The following LOC400499 variants were observed in gnomAD, a reference collection of about 807,000 sequenced individuals.
the LOC400499 span, among the ~76,000 whole-genome samples, chr16:11,478,365 C>T: frequency 2.0e-5 from 3 of 152,100 alleles, no homozygotes; most frequent in Non-Finnish European, 4.4e-5. Context: ...TCCCATTTCA[C>T]AGATGCAGAA....
At chr16:11,502,954 C>T in the LOC400499 span, among the ~76,000 whole-genome samples, 2 of 125,968 alleles carry the variant, frequency 1.6e-5, no homozygotes, top group Non-Finnish European at 1.6e-5. Context: ...CAGGATCTCC[C>T]TCTGTCTCCC....
At chr16:11,492,132 C>T in the LOC400499 span, among the ~76,000 whole-genome samples, 2 of 152,212 alleles carry the variant, frequency 1.3e-5, no homozygotes, top group African/African-American at 4.8e-5. Context: ...TTTACGAAAA[C>T]AGCATAGTGT....
chr16:11,475,425 C>T, the LOC400499 span, among the ~76,000 whole-genome samples: 2 of 152,160 alleles, frequency 1.3e-5, no homozygotes, highest in Non-Finnish European at 2.9e-5. Context: ...GATTTGTGTT[C>T]CTTTATTTCC....
At chr16:11,477,755 T>A in the LOC400499 span, 5 of 397,798 alleles carry the variant, frequency 1.3e-5, no homozygotes, top group Non-Finnish European at 1.8e-5. Flanking sequence ...CACCCAGGCC[T>A]CTGCAGCCCT....
the LOC400499 span, among the ~76,000 whole-genome samples, chr16:11,376,264 C>A: frequency 6.6e-6 from 1 of 152,108 alleles, no homozygotes; most frequent in Non-Finnish European, 1.5e-5. Flanking sequence ...TCTAAGAAAT[C>A]ATTGACAAAG....
the LOC400499 span, among the ~76,000 whole-genome samples, chr16:11,378,880 C>CTGTG: frequency 1.3e-5 from 2 of 152,200 alleles, no homozygotes; most frequent in Non-Finnish European, 2.9e-5. Flanking sequence ...GTGAAGTTGT[C>CTGTG]TGTGTGGTAG....
the LOC400499 span, chr16:11,390,073 G>A: frequency 1.3e-5 from 16 of 1,214,568 alleles, no homozygotes; most frequent in Admixed American, 8.4e-5. Flanking sequence ...TGGCAGGCAC[G>A]CAGGATGCGC....
At chr16:11,469,764 A>C in the LOC400499 span, 19 of 396,760 alleles carry the variant, frequency 4.8e-5, no homozygotes, top group Middle Eastern at 6.4e-4. Flanking sequence ...GGAATTTCTC[A>C]GGCTTGAAAA....
At chr16:11,462,713 G>A in the LOC400499 span, among the ~76,000 whole-genome samples, 2 of 152,004 alleles carry the variant, frequency 1.3e-5, no homozygotes, top group East Asian at 1.9e-4. Context: ...ATGAACTACT[G>A]TGCCCAGCCC....
At chr16:11,425,701 G>A in the LOC400499 span, among the ~76,000 whole-genome samples, 2 of 152,120 alleles carry the variant, frequency 1.3e-5, no homozygotes, top group South Asian at 2.1e-4. Context: ...CGTTTATATA[G>A]CTGTATACGT....
At chr16:11,406,234 A>T in the LOC400499 span, among the ~76,000 whole-genome samples, 4 of 152,074 alleles carry the variant, frequency 2.6e-5, no homozygotes, top group African/African-American at 9.7e-5. Context: ...TGTGTATTCA[A>T]TGTTTAGCTC....
chr16:11,458,528 G>A, the LOC400499 span, among the ~76,000 whole-genome samples: 6 of 151,440 alleles, frequency 4.0e-5, no homozygotes, highest in African/African-American at 1.5e-4. Context: ...AAAGACAAAC[G>A]GTATGATTCC....
the LOC400499 span, among the ~76,000 whole-genome samples, chr16:11,376,664 G>A: frequency 3.3e-5 from 5 of 152,096 alleles, no homozygotes; most frequent in Non-Finnish European, 7.4e-5. Context: ...GATTGTTTTG[G>A]CCATTTGGAG....
the LOC400499 span, among the ~76,000 whole-genome samples, chr16:11,455,124 A>G: frequency 1.3e-5 from 2 of 152,220 alleles, no homozygotes; most frequent in Non-Finnish European, 2.9e-5. Context: ...GCAATTACAA[A>G]ACTCCAGAAA....
chr16:11,397,437 C>T, the LOC400499 span, among the ~76,000 whole-genome samples: 2 of 152,074 alleles, frequency 1.3e-5, no homozygotes, highest in Non-Finnish European at 2.9e-5. Context: ...CCGTGCCCAG[C>T]TCATTTTTTC....
At chr16:11,389,487 G>T in the LOC400499 span, among the ~76,000 whole-genome samples, 1 of 152,086 alleles carries the variant, frequency 6.6e-6, no homozygotes, top group Non-Finnish European at 1.5e-5. Flanking sequence ...TTTGAGACCA[G>T]CCTGGCCAAC....
At chr16:11,519,432 AT>A in the LOC400499 span, among the ~76,000 whole-genome samples, 1 of 151,838 alleles carries the variant, frequency 6.6e-6, no homozygotes, top group Non-Finnish European at 1.5e-5. Flanking sequence ...TAAATAACTG[AT>A]TTCACTGTTT....
At chr16:11,412,727 A>C in the LOC400499 span, 2 of 396,616 alleles carry the variant, frequency 5.0e-6, no homozygotes, top group Non-Finnish European at 8.9e-6. Flanking sequence ...GCCCTTGTTT[A>C]TGCAGCAGTG....
At chr16:11,422,988 C>A in the LOC400499 span, among the ~76,000 whole-genome samples, 1 of 151,404 alleles carries the variant, frequency 6.6e-6, no homozygotes, top group African/African-American at 2.4e-5. Flanking sequence ...CCCCTGGGAA[C>A]TGGGAGTCCA....
Sources: gnomAD v4.1 joint callset for allele counts (sites outside exome capture counted in the v4.1 genomes callset) on GRCh38, gnomAD v4.1.1 for gene constraint, MANE v1.5 for transcripts.